ADAM22: variants seen among roughly 807,000 people sequenced by gnomAD.
The protein encoded by ADAM22 is ADAM metallopeptidase domain 22, also known as disintegrin and metalloproteinase domain-containing protein 22.
ADAM22 carries 65 observed loss-of-function variants against 144.6 expected under a neutral mutation model. That is an observed-to-expected ratio of 0.45 (90% CI 0.37 to 0.55). The LOEUF (loss-of-function observed/expected upper bound fraction) is 0.55. Ranked by LOEUF, ADAM22 falls within the 20% of genes least tolerant of loss-of-function variation. The pLI is 0.00. For synonymous variants in ADAM22, 391 were observed against 412.6 expected (o/e 0.95, Z 0.63); for missense variants, 974 against 1,184.9 (o/e 0.82, Z 2.61).
chr7:88,093,139 A>T (rs1204477964), intron 4 of ADAM22, among the ~76,000 whole-genome samples: 2 of 152,132 alleles, frequency 1.3e-5, no homozygotes, highest in African/African-American at 4.8e-5. Context: ...TTTAATTCTA[A>T]TTATAGAACT....
chr7:87,973,612 C>T (rs1302041001), intron 2 of ADAM22, among the ~76,000 whole-genome samples: 3 of 152,002 alleles, frequency 2.0e-5, no homozygotes, highest in South Asian at 2.1e-4. Flanking sequence ...GATTATAAAT[C>T]GTGCTGCTAT....
chr7:88,050,041 C>G (rs369121373), intron 3 of ADAM22, among the ~76,000 whole-genome samples: 3 of 151,660 alleles, frequency 2.0e-5, no homozygotes, highest in Non-Finnish European at 2.9e-5. Context: ...CCTCAAGATG[C>G]TTTCTTGTTT....
intron 2 of ADAM22, among the ~76,000 whole-genome samples, chr7:87,973,199 A>G (rs1850928086): frequency 6.6e-6 from 1 of 152,232 alleles, no homozygotes; most frequent in Non-Finnish European, 1.5e-5. Context: ...TTATCTGACA[A>G]AGGGCTAATA....
intron 3 of ADAM22, among the ~76,000 whole-genome samples, chr7:88,023,561 A>G (rs572245866): frequency 6.6e-6 from 1 of 152,246 alleles, no homozygotes; most frequent in South Asian, 2.1e-4. Context: ...CTGGGATTAC[A>G]GGCATGAGCC....
rs139781944 is a variant in ADAM22 at position 88,056,989 on chromosome 7, G to A, written c.324-18637G>A. On this transcript the variant is annotated intron_variant, in intron 3 of 31. Coordinates refer to ENST00000413139, the MANE Select transcript of ADAM22 (RefSeq NM_001324418.2). ...GGCCTTTCAAAACTTATACAGCCAA[G>A]TGAGTTATCCCTTTAAAGTTATTAC... 2.9e-3 allele frequency among the ~76,000 whole-genome samples: 445 copies of A among 152,254 alleles called. 3 individuals are homozygous for A. The highest frequency in any genetic ancestry group is 0.01 in the African/African-American group (421 of 41,540).
intron 29 of ADAM22, among the ~76,000 whole-genome samples, chr7:88,183,174 T>A (rs544496997): frequency 6.6e-6 from 1 of 152,316 alleles, no homozygotes; most frequent in East Asian, 1.9e-4. Flanking sequence ...AATTCCATCA[T>A]AAATAACTAA....
At chr7:88,111,563 A>G (rs1826049550) in intron 5 of ADAM22, among the ~76,000 whole-genome samples, 1 of 152,134 alleles carries the variant, frequency 6.6e-6, no homozygotes, top group East Asian at 1.9e-4. Flanking sequence ...ACCTTAAAGC[A>G]CGGAGTTAAG....
rs1851115866 is a variant in ADAM22 at position 88,200,510 on chromosome 7, C to A, written c.*4019C>A. ...ATGGGCAGCGTGTTGTAAATATCAC[C>A]CTACCAGTTGGTAAGTTGGCATGAA... On this transcript the variant is annotated 3_prime_UTR_variant, in exon 32 of 32. Transcript: ENST00000413139. The A allele has an allele frequency of 6.6e-6, 1 of 152,232 alleles. No individual in the cohort carries two copies. The highest frequency in any genetic ancestry group is 6.5e-5 in the Admixed American group (1 of 15,292). 9.4% of individuals were successfully genotyped at this position (152,232 alleles called of 1,614,324 possible). A position where few individuals can be genotyped will look rare whatever the true frequency, so the allele number is the denominator to read the frequency against.
intron 2 of ADAM22, among the ~76,000 whole-genome samples, chr7:87,950,213 G>T (rs1181550423): frequency 1.3e-5 from 2 of 151,642 alleles, no homozygotes; most frequent in African/African-American, 4.8e-5. Context: ...ATGTATACAT[G>T]TGCCATGCTG....
chr7:87,953,959 TGC>T (rs1845946626), intron 2 of ADAM22, among the ~76,000 whole-genome samples: 1 of 152,194 alleles, frequency 6.6e-6, no homozygotes, highest in Non-Finnish European at 1.5e-5. Flanking sequence ...AGACTAGGAT[TGC>T]AACCCCTGCC....
intron 2 of ADAM22, among the ~76,000 whole-genome samples, chr7:87,957,709 A>C (rs1453425703): frequency 6.6e-6 from 1 of 151,970 alleles, no homozygotes; most frequent in Non-Finnish European, 1.5e-5. Flanking sequence ...CAGCCTCCCG[A>C]GTAGCTGGGA....
intron 3 of ADAM22, among the ~76,000 whole-genome samples, chr7:87,988,403 G>T (rs1788974191): frequency 1.3e-5 from 2 of 152,176 alleles, no homozygotes; most frequent in Non-Finnish European, 1.5e-5. Flanking sequence ...TGAGGACTGT[G>T]CTGTAACAAC....
chr7:88,125,213 G>A lies in ADAM22; in HGVS notation c.608-376G>A, dbSNP rs190277041. ...TAATAAATTATGAACTTGGGAATGT[G>A]TGATTATTTATTCTACTTCTCATTG... On this transcript the variant is annotated intron_variant, in intron 7 of 31. Transcript: ENST00000413139. Among the ~76,000 whole-genome samples, 150 of 152,064 alleles carry A rather than the reference G, an allele frequency of 9.9e-4. 1 individual carries two copies. The highest frequency in any genetic ancestry group is 1.0e-4 in the Non-Finnish European group (7 of 67,902).
At chr7:88,140,691 C>T (rs1162584324) in intron 14 of ADAM22, among the ~76,000 whole-genome samples, 2 of 152,008 alleles carry the variant, frequency 1.3e-5, no homozygotes, top group Non-Finnish European at 2.9e-5. Context: ...TAAAAATTAG[C>T]TGGGCATGGT....
chr7:88,177,840 A>C (rs1846049467), intron 26 of ADAM22, among the ~76,000 whole-genome samples: 1 of 152,210 alleles, frequency 6.6e-6, no homozygotes, highest in African/African-American at 2.4e-5. Flanking sequence ...ATAAGGAGAA[A>C]CCAAATAAGA....
chr7:87,973,954 G>C (rs1414122148), intron 2 of ADAM22, among the ~76,000 whole-genome samples: 1 of 152,004 alleles, frequency 6.6e-6, no homozygotes, highest in Non-Finnish European at 1.5e-5. Flanking sequence ...AGGGGTAGGG[G>C]GTGGGATAGC....
intron 2 of ADAM22, among the ~76,000 whole-genome samples, chr7:87,974,114 A>G (rs1851269453): frequency 6.7e-6 from 1 of 150,314 alleles, no homozygotes; most frequent in Admixed American, 6.6e-5. Context: ...AAAAAAAAAG[A>G]GAAACCTTGT....
At chr7:88,169,279 C>T (rs760642453) in intron 25 of ADAM22, among the ~76,000 whole-genome samples, 1 of 151,894 alleles carries the variant, frequency 6.6e-6, no homozygotes, top group Non-Finnish European at 1.5e-5. Context: ...TAATGAGTAG[C>T]GCAGAGAGCA....
intron 3 of ADAM22, among the ~76,000 whole-genome samples, chr7:88,020,865 C>T (rs918717032): frequency 9.9e-5 from 15 of 152,034 alleles, no homozygotes; most frequent in African/African-American, 3.4e-4. Flanking sequence ...ATGCAGAAAC[C>T]TGGCTTTTAG....
Sources: allele counts gnomAD v4.1 joint callset (sites outside exome capture counted in the v4.1 genomes callset), GRCh38; gene constraint gnomAD v4.1.1; transcripts MANE v1.5; gene names NCBI Gene and HGNC (gene_info 2026-07-23, HGNC 2026-07-21).